Variants in SMAD9 observed in about 807,000 individuals in gnomAD.
SMAD9 encodes the protein SMAD family member 9, also known as MAD homolog 9.
Under a neutral mutation model 46.1 loss-of-function variants are expected in SMAD9, and 36 were observed. The ratio of observed to expected loss-of-function variants is 0.78; its 90% confidence interval spans 0.60 to 1.03. SMAD9 has a LOEUF of 1.03. Ranked by LOEUF, SMAD9 falls within the 50% of genes least tolerant of loss-of-function variation. The pLI is 0.00. For missense variants in SMAD9, 572 were observed against 599.8 expected, an observed-to-expected ratio of 0.95 and a Z score of 0.48; for synonymous variants, 245 against 237.1, an observed-to-expected ratio of 1.03 and a Z score of -0.31.
intron 2 of SMAD9, among the ~76,000 whole-genome samples, chr13:36,877,981 A>C (rs1047576629): frequency 4.6e-5 from 7 of 152,208 alleles, no homozygotes; most frequent in Admixed American, 1.3e-4. Context: ...TCCTGGGATG[A>C]GGCAGATGGC....
At chr13:36,888,515 C>T (rs935241108) in intron 1 of SMAD9, among the ~76,000 whole-genome samples, 5 of 152,148 alleles carry the variant, frequency 3.3e-5, no homozygotes, top group Non-Finnish European at 5.9e-5. Flanking sequence ...ATACAGCTTA[C>T]TGCTGGGCTC....
intron 2 of SMAD9, among the ~76,000 whole-genome samples, chr13:36,877,790 A>G (rs1457634735): frequency 6.6e-6 from 1 of 152,208 alleles, no homozygotes; most frequent in Non-Finnish European, 1.5e-5. Flanking sequence ...AGGCATCCAC[A>G]CACAGGTAGA....
chr13:36,908,331 A>G (rs1292588843), intron 1 of SMAD9, among the ~76,000 whole-genome samples: 2 of 152,196 alleles, frequency 1.3e-5, no homozygotes, highest in African/African-American at 2.4e-5. Flanking sequence ...CTTCAGTCAA[A>G]ACAAATAATT....
chr13:36,863,123 T>G (rs754776782), intron 5 of SMAD9, among the ~76,000 whole-genome samples: 13 of 152,198 alleles, frequency 8.5e-5, no homozygotes, highest in Non-Finnish European at 1.9e-4. Flanking sequence ...GCAGATAACT[T>G]ACTCAGGCTG....
intron 1 of SMAD9, among the ~76,000 whole-genome samples, chr13:36,887,147 G>A (rs1247306530): frequency 1.4e-5 from 2 of 140,780 alleles, no homozygotes; most frequent in Non-Finnish European, 3.0e-5. Context: ...TGGGATTATA[G>A]GCATGAGCCA....
intron 1 of SMAD9, among the ~76,000 whole-genome samples, chr13:36,885,700 C>CT (rs1338150650): frequency 1.3e-5 from 2 of 151,656 alleles, no homozygotes; most frequent in African/African-American, 4.8e-5. Flanking sequence ...GGAGCTCTAT[C>CT]TAGGGGGCCG....
At position 36,920,111 on chromosome 13, in the gene SMAD9, C is replaced by G. The variant is rs2058732116; in HGVS notation, c.-187+5G>C. The G allele has an allele frequency of 6.7e-6, 1 of 150,190 alleles. No individual in the cohort carries two copies. The highest frequency in any genetic ancestry group is 1.5e-5 in the Non-Finnish European group (1 of 67,134). The allele number at this position is 150,190 out of a possible 1,614,324, so 9.3% of individuals were successfully genotyped here. A position where few individuals can be genotyped will look rare whatever the true frequency, so the allele number is the denominator to read the frequency against. On this transcript the variant is annotated splice_donor_5th_base_variant and intron_variant, in intron 1 of 6. Transcript: ENST00000379826. ...GGCCGCCCGCTCCGAGCGCCGCGCA[C>G]TCACTGCCTGGCTGCGCGCGCCCAG...
intron 4 of SMAD9, among the ~76,000 whole-genome samples, chr13:36,867,021 C>G (rs955336421): frequency 1.4e-4 from 21 of 152,180 alleles, no homozygotes; most frequent in African/African-American, 5.1e-4. Flanking sequence ...ACATCAAGAA[C>G]TACAAACTTC....
intron 1 of SMAD9, among the ~76,000 whole-genome samples, chr13:36,905,269 T>C (rs2058609734): frequency 6.6e-6 from 1 of 152,196 alleles, no homozygotes; most frequent in African/African-American, 2.4e-5. Context: ...ATCGACTTGG[T>C]TGTTTTACCC....
At position 36,913,374 on chromosome 13, in the gene SMAD9, A is replaced by G. The variant is rs968165352; in HGVS notation, c.-187+6742T>C. ...GGGCCTGTTCTGGGGCCTCATAGGC[A>G]GGGTAGACACAATAGACACAGAGTA... On this transcript the variant is annotated intron_variant, in intron 1 of 6. Coordinates refer to ENST00000379826, the MANE Select transcript of SMAD9 (RefSeq NM_001127217.3). 3.9e-5 allele frequency among the ~76,000 whole-genome samples: 6 copies of G among 152,288 alleles called. No individual in the cohort carries two copies. The South Asian group carries it at 1.0e-3, about 26-fold the overall frequency.
chr13:36,881,381 T>C lies in SMAD9; in HGVS notation c.-186-1506A>G, dbSNP rs539705327. 8.5e-5 allele frequency among the ~76,000 whole-genome samples: 13 copies of C among 152,360 alleles called. No individual in the cohort carries two copies. In the East Asian group the frequency reaches 2.5e-3, roughly 29 times the overall value. On this transcript the variant is annotated intron_variant, in intron 1 of 6. Transcript: ENST00000379826. ...AATTGTTTGTTTAATATGCATTAAATATAATTTTCTCCTTTGCTTCCCTGG... is the reference window on the plus strand; with the variant it reads ...AATTGTTTGTTTAATATGCATTAAACATAATTTTCTCCTTTGCTTCCCTGG...
chr13:36,917,096 A>T (rs751578763), intron 1 of SMAD9, among the ~76,000 whole-genome samples: 51 of 152,124 alleles, frequency 3.4e-4, no homozygotes, highest in Non-Finnish European at 7.1e-4. Context: ...GGTGTCCGTC[A>T]TGGTTTTGGG....
At chr13:36,905,261 C>T (rs758337144) in intron 1 of SMAD9, among the ~76,000 whole-genome samples, 1 of 152,136 alleles carries the variant, frequency 6.6e-6, no homozygotes. Flanking sequence ...TACTTGAAAT[C>T]GACTTGGTTG....
chr13:36,867,067 T>C (rs1031523059), intron 4 of SMAD9, among the ~76,000 whole-genome samples: 6 of 152,196 alleles, frequency 3.9e-5, no homozygotes, highest in Non-Finnish European at 4.4e-5. Flanking sequence ...TAACTTGTTC[T>C]AGTAATGATG....
chr13:36,886,407 A>G (rs758510117), intron 1 of SMAD9, among the ~76,000 whole-genome samples: 1 of 152,238 alleles, frequency 6.6e-6, no homozygotes, highest in Non-Finnish European at 1.5e-5. Flanking sequence ...GATATGTGAG[A>G]GAGAAGCCCT....
Position 36,863,280 on chromosome 13 carries a change from G to T in SMAD9, c.1003+2257C>A, listed in dbSNP as rs563269920. ...TTCCACCCACACGCTTTATGGCAAGGCTTGTGGCATGTCCAAAAAAAAATT... is the reference window on the plus strand; with the variant it reads ...TTCCACCCACACGCTTTATGGCAAGTCTTGTGGCATGTCCAAAAAAAAATT... On this transcript the variant is annotated intron_variant, in intron 5 of 6. Transcript: ENST00000379826. Among the ~76,000 whole-genome samples, 40 of 152,264 alleles carry T rather than the reference G, an allele frequency of 2.6e-4. 1 individual carries two copies. The South Asian group carries it at 3.5e-3, about 13-fold the overall frequency.
At chr13:36,852,215 T>A (rs2058080225) in intron 6 of SMAD9, 1 of 874,560 alleles carries the variant, frequency 1.1e-6, no homozygotes. Flanking sequence ...AAAAACATAA[T>A]TTGAGTATAG....
At chr13:36,898,130 T>A (rs528767788) in intron 1 of SMAD9, among the ~76,000 whole-genome samples, 1 of 152,164 alleles carries the variant, frequency 6.6e-6, no homozygotes, top group East Asian at 1.9e-4. Context: ...AGTGCTGGGA[T>A]TACAGGAGTG....
chr13:36,914,764 T>C (rs1230217488), intron 1 of SMAD9, among the ~76,000 whole-genome samples: 1 of 152,172 alleles, frequency 6.6e-6, no homozygotes, highest in Admixed American at 6.5e-5. Flanking sequence ...TACTACCAAG[T>C]CAGTTAAATT....
Sources: allele counts gnomAD v4.1 joint callset (sites outside exome capture counted in the v4.1 genomes callset), GRCh38; gene constraint gnomAD v4.1.1; transcripts MANE v1.5; gene names NCBI Gene and HGNC (gene_info 2026-07-23, HGNC 2026-07-21).